ADAMTSL1: variants seen among roughly 807,000 people sequenced by gnomAD.
ADAMTSL1 encodes the protein ADAMTS like 1, also known as ADAMTS-like protein 1.
In ADAMTSL1, 126 loss-of-function variants were observed where a neutral mutation model predicts 201.8. That is an observed-to-expected ratio of 0.62 (90% confidence interval 0.54 to 0.72). The LOEUF is 0.72. ADAMTSL1 is among the 30% of genes least tolerant of loss of function. The pLI, the probability that ADAMTSL1 is intolerant of heterozygous loss-of-function variation, is 0.00. For missense variants in ADAMTSL1, 2,679 were observed against 2,277.8 expected (o/e 1.18, Z -3.59); for synonymous variants, 1,121 against 903.4 (o/e 1.24, Z -4.32).
At chr9:18,566,245 A>G (rs548630275) in intron 3 of ADAMTSL1, among the ~76,000 whole-genome samples, 15 of 152,230 alleles carry the variant, frequency 9.9e-5, no homozygotes, top group Admixed American at 3.3e-4. Context: ...AGTTCCCACA[A>G]TAAAAAATAT....
intron 23 of ADAMTSL1, among the ~76,000 whole-genome samples, chr9:18,866,034 A>G (rs1197252001): frequency 6.6e-6 from 1 of 150,596 alleles, no homozygotes; most frequent in African/African-American, 2.5e-5. Context: ...TTGGCCTCTC[A>G]AAGGTGTGGA....
intron 1 of ADAMTSL1, among the ~76,000 whole-genome samples, chr9:18,046,049 C>G (rs10963410): frequency 6.6e-6 from 1 of 152,038 alleles, no homozygotes; most frequent in African/African-American, 2.4e-5. Context: ...TGTCTTGTTC[C>G]TGGATGATAT....
chr9:18,796,453 C>T (rs999546192), intron 20 of ADAMTSL1: 4 of 152,232 alleles, frequency 2.6e-5, no homozygotes, highest in Non-Finnish European at 5.9e-5. Flanking sequence ...AATTGCTGCT[C>T]TCATCAGATG....
At chr9:18,563,463 T>C (rs186750684) in intron 3 of ADAMTSL1, among the ~76,000 whole-genome samples, 18 of 152,278 alleles carry the variant, frequency 1.2e-4, no homozygotes, top group Admixed American at 1.1e-3. Flanking sequence ...TGCTGGAAGG[T>C]GTCTCTCAGT....
At chr9:18,197,254 G>A (rs901487087) in intron 2 of ADAMTSL1, among the ~76,000 whole-genome samples, 1 of 152,088 alleles carries the variant, frequency 6.6e-6, no homozygotes. Context: ...CATTGAATCT[G>A]TAAATTACCT....
intron 1 of ADAMTSL1, among the ~76,000 whole-genome samples, chr9:18,043,958 T>C (rs535780547): frequency 1.3e-4 from 19 of 148,428 alleles, no homozygotes; most frequent in Non-Finnish European, 2.4e-4. Flanking sequence ...TCTACAACCA[T>C]GCTATACCCC....
chr9:18,471,223 C>A (rs114912805), upstream of ADAMTSL1, among the ~76,000 whole-genome samples: 1 of 152,098 alleles, frequency 6.6e-6, no homozygotes, highest in African/African-American at 2.4e-5. Flanking sequence ...TAAACATCCC[C>A]CTTCAACAAC....
At chr9:18,890,316 C>T (rs1387133528) in intron 25 of ADAMTSL1, among the ~76,000 whole-genome samples, 2 of 152,112 alleles carry the variant, frequency 1.3e-5, no homozygotes, top group Non-Finnish European at 1.5e-5. Context: ...CTTGTGTGGC[C>T]CAGAGTGACA....
intron 1 of ADAMTSL1, among the ~76,000 whole-genome samples, chr9:18,039,225 G>T (rs78893459): frequency 0.013 from 2,044 of 152,202 alleles, 56 homozygotes; most frequent in African/African-American, 0.047. Flanking sequence ...ATTAGGTCTG[G>T]CATATTTGTT....
chr9:18,703,331 T>C (rs1399496420), intron 13 of ADAMTSL1, among the ~76,000 whole-genome samples: 10 of 152,118 alleles, frequency 6.6e-5, no homozygotes, highest in African/African-American at 2.4e-4. Context: ...CTGGGAGATC[T>C]AGGGACTTGG....
At chr9:18,037,359 C>T (rs1453737456) in intron 1 of ADAMTSL1, among the ~76,000 whole-genome samples, 1 of 152,168 alleles carries the variant, frequency 6.6e-6, no homozygotes, top group East Asian at 1.9e-4. Flanking sequence ...TGGTCCCCTA[C>T]ACAAATTTGC....
chr9:18,439,970 CT>C (rs1819924928), intron 2 of ADAMTSL1, among the ~76,000 whole-genome samples: 1 of 152,188 alleles, frequency 6.6e-6, no homozygotes, highest in South Asian at 2.1e-4. Context: ...CATCCAGTAA[CT>C]TACTATGTGT....
chr9:18,718,429 G>C, intron 14 of ADAMTSL1: 1 of 647,914 alleles, frequency 1.5e-6, no homozygotes, highest in East Asian at 3.7e-5. Flanking sequence ...TCTATCATAG[G>C]ACATATTTTT....
intron 1 of ADAMTSL1, among the ~76,000 whole-genome samples, chr9:18,054,157 T>C (rs895338832): frequency 6.6e-6 from 1 of 152,230 alleles, no homozygotes; most frequent in Non-Finnish European, 1.5e-5. Context: ...TATAGTTATG[T>C]ATGTGTGTGT....
At chr9:18,899,913 T>C (rs936576864) in intron 26 of ADAMTSL1, among the ~76,000 whole-genome samples, 11 of 152,136 alleles carry the variant, frequency 7.2e-5, no homozygotes, top group African/African-American at 2.7e-4. Flanking sequence ...CCAAAAGCAA[T>C]TGCAACAAAA....
intron 2 of ADAMTSL1, among the ~76,000 whole-genome samples, chr9:18,395,376 A>G (rs1028849351): frequency 6.6e-6 from 1 of 152,216 alleles, no homozygotes; most frequent in African/African-American, 2.4e-5. Flanking sequence ...ATGTCGATCT[A>G]AAGTTTGCAG....
At chr9:18,720,211 A>C (rs892105060) in intron 14 of ADAMTSL1, among the ~76,000 whole-genome samples, 3 of 152,176 alleles carry the variant, frequency 2.0e-5, no homozygotes, top group Admixed American at 6.5e-5. Flanking sequence ...TATTAAGTCT[A>C]TCAGTCAGTA....
chr9:18,723,393 G>A (rs2133436837), intron 15 of ADAMTSL1: 1 of 398,450 alleles, frequency 2.5e-6, no homozygotes, highest in East Asian at 5.3e-5. Flanking sequence ...AGGAGTCAGT[G>A]CCTGGGACTT....
In ADAMTSL1 at chr9:18,777,021, A is replaced by G. The variant is rs370826847; in HGVS notation, c.2792A>G (p.Tyr931Cys). ...STHVTVAPFG[Y>C]LKIHRLKPSD... ...CACGTCACGGTGGCCCCCTTCGGCT[A>G]TCTCAAGATCCACCGCCTCAAGCCC... The change falls in exon 19 of 29, where the codon TAT becomes TGT. Residue 931 changes from tyrosine (Y) to cysteine (C), a missense_variant. Coordinates refer to ENST00000380548, the MANE Select transcript of ADAMTSL1 (RefSeq NM_001040272.6). 24 of 1,607,372 alleles carry G rather than the reference A, an allele frequency of 1.5e-5. 1 individual carries two copies. The highest frequency in any genetic ancestry group is 3.3e-4 in the Middle Eastern group (2 of 6,050).
Sources: gnomAD v4.1 joint callset for allele counts (sites outside exome capture counted in the v4.1 genomes callset) on GRCh38, gnomAD v4.1.1 for gene constraint, MANE v1.5 for transcripts, NCBI Gene and HGNC (gene_info 2026-07-23, HGNC 2026-07-21) for gene names.